ABCB9: variants seen among roughly 807,000 people sequenced by gnomAD.
ABCB9 encodes the protein ABC-type oligopeptide transporter ABCB9.
A neutral mutation model predicts 62.0 loss-of-function variants in ABCB9; 36 were observed. The observed-to-expected ratio is 0.58, with a 90% CI of 0.45 to 0.77. The LOEUF is 0.77. Among genes scored for constraint, ABCB9 ranks in the 30% least tolerant of loss-of-function variants. The probability of loss-of-function intolerance (pLI) is 0.00; values close to 1 mark genes in which losing one functional copy is unlikely to be tolerated. For missense variants in ABCB9, 943 were observed against 1,054.7 expected, an observed-to-expected ratio of 0.89 and a Z score of 1.47; for synonymous variants, 435 against 461.4, an observed-to-expected ratio of 0.94 and a Z score of 0.73.
At chr12:122,957,835 C>T (rs2036681827) in intron 2 of ABCB9, among the ~76,000 whole-genome samples, 1 of 150,894 alleles carries the variant, frequency 6.6e-6, no homozygotes, top group South Asian at 2.1e-4. Context: ...ATTTATTCTA[C>T]AGATCCATCC....
At chr12:122,920,603 C>T (rs544631933), downstream of ABCB9, among the ~76,000 whole-genome samples, 100 of 152,094 alleles carry the variant, frequency 6.6e-4, no homozygotes, top group Middle Eastern at 3.4e-3. Context: ...GGATTAAAAG[C>T]GTTAAAGTCA....
Position 122,949,780 on chromosome 12 carries a change from G to A in ABCB9, c.847+8C>T. The stretch of plus-strand genomic sequence containing the variant: ...CCCCAGGACACCTAGGGCACTGGAA[G>A]GACCAACCTGTGCGGTTCTCATCAA... On this transcript the variant is annotated splice_region_variant and intron_variant, in intron 4 of 11. Transcript: ENST00000280560. 1.2e-6 allele frequency: 2 copies of A among 1,614,014 alleles called. No individual in the cohort carries two copies. Among genetic ancestry groups the A allele is most frequent in the Non-Finnish European group, 1.7e-6 (2 of 1,179,904 alleles).
At chr12:122,943,026 A>G (rs11060881) in intron 7 of ABCB9, among the ~76,000 whole-genome samples, 15,579 of 152,148 alleles carry the variant, frequency 0.1, 2,650 homozygotes, top group African/African-American at 0.35. Flanking sequence ...CAGCACACAA[A>G]GGCCCAATCT....
intron 1 of ABCB9, among the ~76,000 whole-genome samples, chr12:122,965,062 C>G (rs996254306): frequency 1.3e-5 from 2 of 152,196 alleles, no homozygotes; most frequent in African/African-American, 2.4e-5. Context: ...CTTCACCGGG[C>G]CCTACTATGT....
upstream of ABCB9, among the ~76,000 whole-genome samples, chr12:122,969,732 C>CA (rs58746093): frequency 0.16 from 14,434 of 90,666 alleles, 975 homozygotes; most frequent in African/African-American, 0.27. Context: ...GACCCTGTCT[C>CA]AAAAAAAAAA....
At chr12:122,970,391 G>A (rs1178329259), upstream of ABCB9, among the ~76,000 whole-genome samples, 1 of 152,092 alleles carries the variant, frequency 6.6e-6, no homozygotes, top group Admixed American at 6.6e-5. Context: ...GGGATTACAG[G>A]CGCATGCCAC....
rs538536930 is a variant in ABCB9, at chr12:122,959,319, T to A, written c.601+316A>T. ...GTGACCTGAGATTGTGCCACTGCACTCTAGCCTAGGTGACAGAGCAATACT... is the reference window on the plus strand; with the variant it reads ...GTGACCTGAGATTGTGCCACTGCACACTAGCCTAGGTGACAGAGCAATACT... On this transcript the variant is annotated intron_variant, in intron 2 of 11. Coordinates refer to ENST00000280560, the MANE Select transcript of ABCB9 (RefSeq NM_019625.4). The surrounding 1 kb of genome is among the most constrained non-coding windows in gnomAD (Gnocchi z 5.4). 6.6e-6 allele frequency among the ~76,000 whole-genome samples: 1 copy of A among 152,024 alleles called. No homozygotes were observed. Among genetic ancestry groups the A allele is most frequent in the East Asian group, 2.0e-4 (1 of 5,102 alleles).
chr12:122,934,559 T>C (rs934732797), intron 10 of ABCB9, among the ~76,000 whole-genome samples: 1 of 150,218 alleles, frequency 6.7e-6, no homozygotes, highest in African/African-American at 2.5e-5. Context: ...AAGGATGGCT[T>C]GAGCCCAAGA....
At chr12:122,921,475 C>T (rs577498699) in intron 11 of ABCB9, among the ~76,000 whole-genome samples, 4 of 151,738 alleles carry the variant, frequency 2.6e-5, no homozygotes, top group Admixed American at 1.3e-4. Flanking sequence ...TATTTTACCA[C>T]AATTTAAAAA....
At chr12:122,937,641 G>T (rs1326651711) in intron 9 of ABCB9, among the ~76,000 whole-genome samples, 4 of 152,176 alleles carry the variant, frequency 2.6e-5, no homozygotes, top group African/African-American at 4.8e-5. Context: ...CAGCCTGGTG[G>T]CCTCCCACTT....
At chr12:122,921,634 G>A (rs2034749378) in intron 11 of ABCB9, among the ~76,000 whole-genome samples, 1 of 151,916 alleles carries the variant, frequency 6.6e-6, no homozygotes, top group African/African-American at 2.4e-5. Context: ...AAAATCAGCT[G>A]GGTGTGGTGG....
At position 122,929,952 on chromosome 12, in the gene ABCB9, C is replaced by A; in HGVS notation, c.2260G>T (p.Gly754Cys). The change falls in exon 12 of 12, where the codon GGC (glycine) becomes TGC (cysteine). Residue 754 changes from glycine (G) to cysteine (C), a missense_variant. Gly to Cys is a radical substitution (Grantham distance 159). Transcript: ENST00000280560. The surrounding 1 kb of genome is among the most constrained non-coding windows in gnomAD (Gnocchi z 6.0). ...GLQPAADFTA[G>C]HNEPVANGSH... Reference sequence around the variant, plus strand: ...CCGTTGGCTACAGGCTCGTTGTGGCCAGCTGTGAAGTCTGCGGCGGGCTGA... The same window carrying A: ...CCGTTGGCTACAGGCTCGTTGTGGCAAGCTGTGAAGTCTGCGGCGGGCTGA... 1 of 1,575,670 alleles carries A rather than the reference C, an allele frequency of 6.3e-7. No individual in the cohort carries two copies. The highest frequency in any genetic ancestry group is 8.6e-7 in the Non-Finnish European group (1 of 1,160,770).
intron 1 of ABCB9, among the ~76,000 whole-genome samples, chr12:122,972,037 CTTTTTTTTT>C (rs57112984): frequency 1.0e-5 from 1 of 99,270 alleles, no homozygotes; most frequent in Non-Finnish European, 1.9e-5. Flanking sequence ...TTCATAATGT[CTTTTTTTTT>C]TTTTTTTTTT....
Position 122,944,782 on chromosome 12 carries a change from C to T in ABCB9, c.1252-263G>A, listed in dbSNP as rs1284240883. The T allele has an allele frequency of 8.0e-6, 3 of 376,552 alleles. No individual in the cohort carries two copies. The highest frequency in any genetic ancestry group is 9.6e-5 in the East Asian group (2 of 20,868). The allele number at this position is 376,552 out of a possible 1,614,324, so 23.3% of individuals were successfully genotyped here. On this transcript the variant is annotated intron_variant, in intron 6 of 11. Coordinates refer to ENST00000280560, the MANE Select transcript of ABCB9 (RefSeq NM_019625.4). The surrounding 1 kb of genome is among the most constrained non-coding windows in gnomAD (Gnocchi z 4.9). Reference sequence around the variant, plus strand: ...GCTTTCTTTGTGAGGTCCTGGCACACACATGCCACCCCCAGGCTCCTCAGC... The same window carrying T: ...GCTTTCTTTGTGAGGTCCTGGCACATACATGCCACCCCCAGGCTCCTCAGC...
Position 122,944,324 on chromosome 12 carries a change from CTG to C in ABCB9, c.1380+65_1380+66del. 1 of 1,505,012 alleles carries C rather than the reference CTG, an allele frequency of 6.6e-7. No homozygotes were observed. 93.2% of individuals were successfully genotyped at this position (1,505,012 alleles called of 1,614,324 possible). ...GAGTCCCTGGAGCCCCGCCCCCACC[CTG>C]TTAAGATCCCTCTTCCCCAAACTCC... On this transcript the variant is annotated intron_variant, in intron 7 of 11. Transcript: ENST00000280560. The surrounding 1 kb of genome is among the most constrained non-coding windows in gnomAD (Gnocchi z 4.9).
chr12:122,958,637 G>A (rs1004970633), intron 2 of ABCB9, among the ~76,000 whole-genome samples: 5 of 152,080 alleles, frequency 3.3e-5, no homozygotes, highest in Admixed American at 6.6e-5. Context: ...CCAGGAGTTC[G>A]AGATCAGCCT....
chr12:122,952,906 A>T (rs2135877667), intron 2 of ABCB9: 1 of 152,340 alleles, frequency 6.6e-6, no homozygotes, highest in Middle Eastern at 3.4e-3. Flanking sequence ...AACTTTGCTC[A>T]CATCAGCCTG....
In ABCB9 at chr12:122,935,368, C is replaced by T. The variant is rs1375689038; in HGVS notation, c.1807G>A (p.Gly603Ser). The change falls in exon 10 of 12, where the codon GGC (glycine) becomes AGC (serine). Residue 603 changes from glycine (G) to serine (S), a missense_variant. Physicochemically the swap from Gly to Ser is moderately conservative, Grantham distance 56. Transcript: ENST00000280560. ...ATCTCGAAAGGCACAGTGGGCAGGC[C>T]GTAGGAGATGTTATCCGTGATGGAG... ...ARSITDNISY[G>S]LPTVPFEMVV... 40 of 1,613,948 alleles carry T rather than the reference C, an allele frequency of 2.5e-5. No individual in the cohort carries two copies. Among genetic ancestry groups the T allele is most frequent in the East Asian group, 8.9e-5 (4 of 44,892 alleles).
At position 122,938,632 on chromosome 12, in the gene ABCB9, T is replaced by C. The variant is rs1055475275; in HGVS notation, c.1743+1479A>G. ...TCACGAGGTCAGGAGATCGAGACCA[T>C]CCTGGCTAACATGGTGAAATGCCGT... On this transcript the variant is annotated intron_variant, in intron 9 of 11. Transcript: ENST00000280560. Among the ~76,000 whole-genome samples, 8 of 151,350 alleles carry C rather than the reference T, an allele frequency of 5.3e-5. No individual in the cohort carries two copies. In the East Asian group the frequency reaches 1.6e-3, roughly 30 times the overall value.
Sources: allele counts gnomAD v4.1 joint callset (sites outside exome capture counted in the v4.1 genomes callset), GRCh38; gene constraint gnomAD v4.1.1; non-coding constraint Gnocchi (gnomAD v3.1); transcripts MANE v1.5; gene names NCBI Gene and HGNC (gene_info 2026-07-23, HGNC 2026-07-21).